Variants in FRMD4B observed in about 807,000 individuals in gnomAD.
FRMD4B encodes the protein FERM domain-containing protein 4B.
Under a neutral mutation model 141.5 loss-of-function variants are expected in FRMD4B, and 74 were observed. The ratio of observed to expected loss-of-function variants is 0.52; its 90% CI spans 0.43 to 0.63. FRMD4B has a LOEUF of 0.63. Among genes scored for constraint, FRMD4B ranks in the 30% least tolerant of loss-of-function variants. The probability of loss-of-function intolerance (pLI) is 0.00; values close to 1 mark genes in which losing one functional copy is unlikely to be tolerated. For synonymous variants in FRMD4B, 506 were observed against 467.9 expected, an observed-to-expected ratio of 1.08 and a Z score of -1.05; for missense variants, 1,366 against 1,253.4, an observed-to-expected ratio of 1.09 and a Z score of -1.36.
At chr3:69,202,879 C>T (rs1369795458) in intron 11 of FRMD4B, among the ~76,000 whole-genome samples, 1 of 151,800 alleles carries the variant, frequency 6.6e-6, no homozygotes, top group Non-Finnish European at 1.5e-5. Flanking sequence ...AAAAGAGGAG[C>T]AGCATAAATA....
At chr3:69,325,194 G>T (rs951600279) in intron 1 of FRMD4B, among the ~76,000 whole-genome samples, 4 of 152,216 alleles carry the variant, frequency 2.6e-5, no homozygotes, top group Non-Finnish European at 2.9e-5. Context: ...TCCCAGTAGA[G>T]ACTGGAGGGC....
In FRMD4B at chr3:69,256,018, G is replaced by C. The variant is rs575708950; in HGVS notation, c.502-5919C>G. On this transcript the variant is annotated intron_variant, in intron 5 of 22. Coordinates refer to ENST00000398540, the MANE Select transcript of FRMD4B (RefSeq NM_015123.3). Reference sequence around the variant, plus strand: ...AGACTGAGGTGGGAGGATTGCTTGAGCCAAGGAGTCCGAGGCTGCTGTGAG... The same window carrying C: ...AGACTGAGGTGGGAGGATTGCTTGACCCAAGGAGTCCGAGGCTGCTGTGAG... Among the ~76,000 whole-genome samples the C allele has an allele frequency of 3.7e-4, 56 of 152,178 alleles. 1 individual carries two copies. The highest frequency in any genetic ancestry group is 1.3e-3 in the African/African-American group (55 of 41,520).
At chr3:69,468,561 G>A (rs1705832136) in intron 1 of FRMD4B, among the ~76,000 whole-genome samples, 2 of 152,130 alleles carry the variant, frequency 1.3e-5, no homozygotes, top group Admixed American at 1.3e-4. Context: ...AACATGAAAG[G>A]GACACTACTG....
At chr3:69,357,192 G>T (rs1167620824) in intron 1 of FRMD4B, among the ~76,000 whole-genome samples, 2 of 152,170 alleles carry the variant, frequency 1.3e-5, no homozygotes, top group African/African-American at 4.8e-5. Flanking sequence ...GTATCAGATA[G>T]GAGTTTTGTA....
chr3:69,404,272 C>T (rs954221961), intron 2 of FRMD4B, among the ~76,000 whole-genome samples: 1 of 152,032 alleles, frequency 6.6e-6, no homozygotes, highest in Non-Finnish European at 1.5e-5. Flanking sequence ...TATTTTTGCC[C>T]ATAAGATTTC....
At chr3:69,296,715 A>C (rs1039443755) in intron 4 of FRMD4B, among the ~76,000 whole-genome samples, 10 of 152,236 alleles carry the variant, frequency 6.6e-5, no homozygotes, top group Non-Finnish European at 1.3e-4. Context: ...ATGAATTTCC[A>C]GTCCTCTCAT....
chr3:69,175,055 C>T lies in FRMD4B; in HGVS notation c.2984+1469G>A, dbSNP rs958515943. On this transcript the variant is annotated intron_variant, in intron 22 of 22. Transcript: ENST00000398540. ...TTAATATTTGAAGCCAAGAAAAACT[C>T]CCACTGAATGCGGAGGAAAAAAAAA... Among the ~76,000 whole-genome samples the T allele has an allele frequency of 7.9e-5, 12 of 152,234 alleles. No homozygotes were observed. The East Asian group carries it at 2.3e-3, about 29-fold the overall frequency.
intron 2 of FRMD4B, among the ~76,000 whole-genome samples, chr3:69,400,990 C>T (rs977731668): frequency 2.0e-4 from 31 of 152,248 alleles, no homozygotes; most frequent in African/African-American, 6.0e-4. Context: ...CAATGGTTAC[C>T]GGCATTCTTT....
At chr3:69,505,672 C>T (rs1485698709) in intron 1 of FRMD4B, among the ~76,000 whole-genome samples, 3 of 152,182 alleles carry the variant, frequency 2.0e-5, no homozygotes, top group Non-Finnish European at 4.4e-5. Flanking sequence ...TCATTAGGCT[C>T]ATAATCTTAT....
upstream of FRMD4B, among the ~76,000 whole-genome samples, chr3:69,390,106 T>C (rs957071745): frequency 6.6e-6 from 1 of 152,068 alleles, no homozygotes; most frequent in African/African-American, 2.4e-5. Flanking sequence ...TAGGTTCTCC[T>C]TTGAGGAACT....
At position 69,335,303 on chromosome 3, in the gene FRMD4B, G is replaced by A. The variant is rs549309637; in HGVS notation, c.163-21786C>T. ...ATATTCCAGACAGAGGCCAACAAGT[G>A]CAAAGGCCCTGAGGCAGAACATGCT... On this transcript the variant is annotated intron_variant, in intron 1 of 22. Transcript: ENST00000398540. Among the ~76,000 whole-genome samples, 7 of 151,958 alleles carry A rather than the reference G, an allele frequency of 4.6e-5. 1 individual carries two copies. The South Asian group carries it at 1.5e-3, about 32-fold the overall frequency.
At chr3:69,223,253 C>T (rs956857629) in intron 8 of FRMD4B, among the ~76,000 whole-genome samples, 4 of 152,106 alleles carry the variant, frequency 2.6e-5, no homozygotes, top group African/African-American at 4.8e-5. Flanking sequence ...CAGTGGCTCA[C>T]GTCTGTAATC....
intron 22 of FRMD4B, among the ~76,000 whole-genome samples, chr3:69,174,404 A>T (rs1434893023): frequency 6.6e-6 from 1 of 152,228 alleles, no homozygotes; most frequent in Non-Finnish European, 1.5e-5. Flanking sequence ...TATGTACAAT[A>T]TCATTATAAC....
At position 69,186,909 on chromosome 3, in the gene FRMD4B, C is replaced by G. The variant is rs1328006955; in HGVS notation, c.1919+861G>C. On this transcript the variant is annotated intron_variant, in intron 19 of 22. Transcript: ENST00000398540. The stretch of plus-strand genomic sequence containing the variant: ...GTTTGTTTGCTTTTTAAAGATTGAT[C>G]CATACAGCCAAGTTCTGGGAACCAC... 1.1e-4 allele frequency among the ~76,000 whole-genome samples: 16 copies of G among 152,214 alleles called. 1 individual carries two copies. Among genetic ancestry groups the G allele is most frequent in the Admixed American group, 9.8e-4 (15 of 15,282 alleles).
At chr3:69,498,661 C>T (rs144401626) in intron 1 of FRMD4B, among the ~76,000 whole-genome samples, 173 of 152,296 alleles carry the variant, frequency 1.1e-3, no homozygotes, top group African/African-American at 3.9e-3. Flanking sequence ...AACTCTACAA[C>T]ATATAACTGT....
At chr3:69,185,972 G>GTGAA (rs2092762179) in intron 19 of FRMD4B, among the ~76,000 whole-genome samples, 1 of 151,736 alleles carries the variant, frequency 6.6e-6, no homozygotes, top group Admixed American at 6.6e-5. Flanking sequence ...AACCTGAAAG[G>GTGAA]TGAAGGTTGC....
intron 8 of FRMD4B, among the ~76,000 whole-genome samples, chr3:69,224,205 C>T (rs2093227644): frequency 6.6e-6 from 1 of 152,104 alleles, no homozygotes; most frequent in African/African-American, 2.4e-5. Context: ...TAGTAGAAAC[C>T]TCTGGTCATT....
intron 17 of FRMD4B, 131 bp downstream of exon 17, chr3:69,193,517 A>G: frequency 1.6e-6 from 1 of 622,632 alleles, no homozygotes; most frequent in Non-Finnish European, 2.8e-6. Flanking sequence ...TCCAAATAAA[A>G]AAGAAAACTT....
At chr3:69,469,644 G>C (rs1008880552) in intron 1 of FRMD4B, among the ~76,000 whole-genome samples, 1 of 152,144 alleles carries the variant, frequency 6.6e-6, no homozygotes, top group African/African-American at 2.4e-5. Flanking sequence ...GAATCCCATA[G>C]CAAGCCCCTA....
Sources: gnomAD v4.1 joint callset for allele counts (sites outside exome capture counted in the v4.1 genomes callset) on GRCh38, gnomAD v4.1.1 for gene constraint, MANE v1.5 for transcripts, NCBI Gene and HGNC (gene_info 2026-07-23, HGNC 2026-07-21) for gene names.